GRID2: variants seen among roughly 807,000 people sequenced by gnomAD.
GRID2 encodes the protein glutamate receptor ionotropic, delta-2.
A neutral mutation model predicts 114.8 loss-of-function variants in GRID2; 33 were observed. The ratio of observed to expected loss-of-function variants is 0.29; its 90% CI spans 0.22 to 0.38. The LOEUF is 0.38. Among genes scored for constraint, GRID2 ranks in the 10% least tolerant of loss-of-function variants. The pLI is 1.00. For synonymous variants in GRID2, 505 were observed against 449.9 expected (o/e 1.12, Z -1.55); for missense variants, 1,184 against 1,257.7 (o/e 0.94, Z 0.89).
chr4:92,586,785 G>A (rs935025617), intron 1 of GRID2, among the ~76,000 whole-genome samples: 14 of 151,742 alleles, frequency 9.2e-5, no homozygotes, highest in African/African-American at 3.4e-4. Context: ...GTTTTCAGTA[G>A]CATTACATGT....
chr4:93,145,467 A>AT lies in GRID2; in HGVS notation c.735+34517dup, dbSNP rs1448182187. Among the ~76,000 whole-genome samples the AT allele has an allele frequency of 8.2e-3, 829 of 100,942 alleles. 8 individuals are homozygous for AT. Among genetic ancestry groups the AT allele is most frequent in the Non-Finnish European group, 8.7e-3 (461 of 53,188 alleles). The allele number at this position is 100,942 out of a possible 152,430, so 66.2% of individuals were successfully genotyped here. A position where few individuals can be genotyped will look rare whatever the true frequency, so the allele number is the denominator to read the frequency against. ...TATTTGTATTTGTATTTATTTATTT[A>AT]TTTATTTTTTTTTGAGACAGTTTCA... On this transcript the variant is annotated intron_variant, in intron 4 of 15. Transcript: ENST00000282020.
chr4:93,561,302 A>C (rs1734902767), intron 13 of GRID2, among the ~76,000 whole-genome samples: 1 of 152,170 alleles, frequency 6.6e-6, no homozygotes, highest in African/African-American at 2.4e-5. Context: ...AGCTTTTTAG[A>C]GAGTACTAAC....
intron 2 of GRID2, among the ~76,000 whole-genome samples, chr4:92,969,201 A>G (rs1753340630): frequency 6.6e-6 from 1 of 151,574 alleles, no homozygotes; most frequent in African/African-American, 2.4e-5. Context: ...AGCACATGTC[A>G]ACTAGGACTA....
At chr4:93,525,188 G>A (rs961505154) in intron 13 of GRID2, among the ~76,000 whole-genome samples, 2 of 152,058 alleles carry the variant, frequency 1.3e-5, no homozygotes, top group Non-Finnish European at 2.9e-5. Context: ...AGCATAGCCT[G>A]AAGGATGAGG....
rs898697403 is a variant in GRID2, at chr4:93,609,318, T to G, written c.2194-16951T>G. On this transcript the variant is annotated intron_variant, in intron 13 of 15. Coordinates refer to ENST00000282020, the MANE Select transcript of GRID2 (RefSeq NM_001510.4). ...TTGTGCAGAAGCTCTTTAGTTTAAT[T>G]AGATCCCATTTGTCAATTTTGGCTT... Among the ~76,000 whole-genome samples the G allele has an allele frequency of 4.6e-3, 379 of 82,752 alleles. 52 individuals carry two copies. The highest frequency in any genetic ancestry group is 0.034 in the Admixed American group (313 of 9,096). The allele number at this position is 82,752 out of a possible 152,430, so 54.3% of individuals were successfully genotyped here.
intron 13 of GRID2, among the ~76,000 whole-genome samples, chr4:93,622,668 C>A (rs1462960835): frequency 6.6e-6 from 1 of 152,094 alleles, no homozygotes; most frequent in Admixed American, 6.6e-5. Flanking sequence ...TGTTTCAATA[C>A]CTCATGGTTT....
chr4:92,757,735 C>T (rs1737797938), intron 2 of GRID2, among the ~76,000 whole-genome samples: 1 of 151,582 alleles, frequency 6.6e-6, no homozygotes, highest in African/African-American at 2.4e-5. Context: ...TAGTGAGGAA[C>T]AGCCATTGAA....
At chr4:93,144,851 A>G (rs1249349349) in intron 4 of GRID2, among the ~76,000 whole-genome samples, 2 of 152,206 alleles carry the variant, frequency 1.3e-5, no homozygotes, top group Admixed American at 6.5e-5. Context: ...GAGTACCCAT[A>G]AAAAGCAACA....
intron 2 of GRID2, among the ~76,000 whole-genome samples, chr4:93,036,136 TC>T (rs1261634785): frequency 3.9e-5 from 6 of 152,066 alleles, no homozygotes; most frequent in African/African-American, 1.4e-4. Context: ...TTTAGATTTC[TC>T]CCTTAGCCTT....
chr4:92,462,194 C>T (rs1383818760), intron 1 of GRID2, among the ~76,000 whole-genome samples: 3 of 152,054 alleles, frequency 2.0e-5, no homozygotes, highest in Non-Finnish European at 4.4e-5. Context: ...ACAATTACAA[C>T]TTACTATTCT....
rs550741585 is a variant in GRID2, at chr4:93,592,336, G to A, written c.2194-33933G>A. The stretch of plus-strand genomic sequence containing the variant: ...TGTACCCAGTAGTCATTCAGGAGGA[G>A]GTTGTTCAGTTTCCATGTAGATGAG... On this transcript the variant is annotated intron_variant, in intron 13 of 15. Transcript: ENST00000282020. Among the ~76,000 whole-genome samples, 8 of 152,208 alleles carry A rather than the reference G, an allele frequency of 5.3e-5. No individual in the cohort carries two copies. The South Asian group carries it at 1.2e-3, about 24-fold the overall frequency.
intron 8 of GRID2, among the ~76,000 whole-genome samples, chr4:93,332,699 A>G (rs1053160673): frequency 6.6e-6 from 1 of 152,126 alleles, no homozygotes; most frequent in African/African-American, 2.4e-5. Context: ...AGGCATAGGA[A>G]TATGTTCTTG....
intron 13 of GRID2, among the ~76,000 whole-genome samples, chr4:93,583,728 C>T (rs1418797737): frequency 1.3e-5 from 2 of 152,114 alleles, no homozygotes; most frequent in African/African-American, 2.4e-5. Context: ...ATCTTAGGGT[C>T]CATTCTGTCC....
At chr4:92,345,622 T>A (rs1324805441) in intron 1 of GRID2, among the ~76,000 whole-genome samples, 3 of 152,208 alleles carry the variant, frequency 2.0e-5, no homozygotes, top group Non-Finnish European at 2.9e-5. Flanking sequence ...CATCTCAGCT[T>A]TCTAAGTCAT....
chr4:93,690,881 G>T (rs1297707892), intron 14 of GRID2, among the ~76,000 whole-genome samples: 1 of 147,972 alleles, frequency 6.8e-6, no homozygotes, highest in African/African-American at 2.5e-5. Context: ...ACATTTTTAT[G>T]TAATATTATA....
At chr4:92,753,417 C>T (rs925218513) in intron 2 of GRID2, among the ~76,000 whole-genome samples, 8 of 152,050 alleles carry the variant, frequency 5.3e-5, no homozygotes, top group Non-Finnish European at 1.0e-4. Flanking sequence ...GCTGGCTAGG[C>T]AAAAACCAGG....
chr4:93,023,663 C>T (rs1560804832), intron 2 of GRID2, among the ~76,000 whole-genome samples: 1 of 151,774 alleles, frequency 6.6e-6, no homozygotes. Flanking sequence ...AGGGCTAAGA[C>T]ATATATATCA....
intron 1 of GRID2, among the ~76,000 whole-genome samples, chr4:92,338,765 G>A (rs183123433): frequency 1.5e-4 from 23 of 152,128 alleles, no homozygotes; most frequent in African/African-American, 4.6e-4. Flanking sequence ...CATATTTTGT[G>A]TACACGTAGA....
intron 1 of GRID2, among the ~76,000 whole-genome samples, chr4:92,564,522 C>T (rs1345313945): frequency 6.6e-6 from 1 of 151,872 alleles, no homozygotes; most frequent in African/African-American, 2.4e-5. Flanking sequence ...ATAAAGCATT[C>T]CTTTTTAAAT....
Sources: allele counts gnomAD v4.1 joint callset (sites outside exome capture counted in the v4.1 genomes callset), GRCh38; gene constraint gnomAD v4.1.1; transcripts MANE v1.5; gene names NCBI Gene and HGNC (gene_info 2026-07-23, HGNC 2026-07-21).